Variants in TPD52L2 observed in about 807,000 individuals in gnomAD.
TPD52L2 encodes TPD52 like 2.
TPD52L2 carries 19 observed loss-of-function variants against 24.7 expected under a neutral mutation model. The ratio of observed to expected loss-of-function variants is 0.77; its 90% CI spans 0.54 to 1.13. The LOEUF is 1.13. Ranked by LOEUF, TPD52L2 falls within the 50% of genes most tolerant of loss-of-function variation. TPD52L2 has a pLI of 0.00. For synonymous variants in TPD52L2, 104 were observed against 100.2 expected (o/e 1.04, Z -0.23); for missense variants, 236 against 250.4 (o/e 0.94, Z 0.39).
At chr20:63,866,017 C>T (rs1315911958) in intron 1 of TPD52L2, among the ~76,000 whole-genome samples, 1 of 152,228 alleles carries the variant, frequency 6.6e-6, no homozygotes, top group Non-Finnish European at 1.5e-5. Context: ...GGAGCGAGCC[C>T]AGGAGATTAA....
At chr20:63,876,753 C>T in intron 4 of TPD52L2, 1 of 455,878 alleles carries the variant, frequency 2.2e-6, no homozygotes, top group South Asian at 1.5e-5. Flanking sequence ...GCCTTTGCGT[C>T]TGGTGTCACG....
chr20:63,884,502 C>T (rs1441784767), intron 5 of TPD52L2, among the ~76,000 whole-genome samples: 1 of 152,152 alleles, frequency 6.6e-6, no homozygotes, highest in Non-Finnish European at 1.5e-5. Flanking sequence ...TTGGAATAGC[C>T]GTGCACAAGC....
chr20:63,885,221 G>A (rs2146237081), intron 5 of TPD52L2, among the ~76,000 whole-genome samples: 1 of 152,388 alleles, frequency 6.6e-6, no homozygotes, highest in Non-Finnish European at 1.5e-5. Context: ...CGGTCTGTGA[G>A]GCCTTTGGTG....
chr20:63,868,071 C>T (rs1600778589), intron 1 of TPD52L2, among the ~76,000 whole-genome samples: 4 of 151,370 alleles, frequency 2.6e-5, no homozygotes, highest in Middle Eastern at 3.5e-3. Flanking sequence ...CGTGCCACCA[C>T]GCTAACTAAT....
At chr20:63,887,402 C>A in intron 5 of TPD52L2, 1 of 839,920 alleles carries the variant, frequency 1.2e-6, no homozygotes, top group South Asian at 1.4e-5. Context: ...ACCCTGGGGT[C>A]GAGTTTCCTT....
intron 1 of TPD52L2, among the ~76,000 whole-genome samples, chr20:63,867,538 C>T (rs1218483291): frequency 2.0e-5 from 3 of 151,254 alleles, no homozygotes; most frequent in Admixed American, 1.3e-4. Context: ...TGCACTCCAG[C>T]CTGGGTGACA....
chr20:63,886,226 C>G (rs1225705968), intron 5 of TPD52L2, among the ~76,000 whole-genome samples: 1 of 152,168 alleles, frequency 6.6e-6, no homozygotes, highest in Non-Finnish European at 1.5e-5. Context: ...AGCGTGGGAT[C>G]GACGCAGAGG....
At chr20:63,886,442 G>C (rs1205129086) in intron 5 of TPD52L2, among the ~76,000 whole-genome samples, 10 of 150,234 alleles carry the variant, frequency 6.7e-5, no homozygotes, top group Admixed American at 4.6e-4. Flanking sequence ...CTCACTGCAA[G>C]CTCCGCCTCC....
At chr20:63,865,948 C>G (rs983613984) in intron 1 of TPD52L2, among the ~76,000 whole-genome samples, 2 of 152,164 alleles carry the variant, frequency 1.3e-5, no homozygotes, top group African/African-American at 2.4e-5. Context: ...ACCCAGCATA[C>G]CAGGCCTGTT....
chr20:63,878,756 G>A (rs940009098), intron 4 of TPD52L2, among the ~76,000 whole-genome samples: 2 of 152,196 alleles, frequency 1.3e-5, no homozygotes, highest in Admixed American at 6.5e-5. Flanking sequence ...GCAGTGGGAC[G>A]AAACCGCTGT....
intron 1 of TPD52L2, among the ~76,000 whole-genome samples, chr20:63,866,344 C>T (rs1475758908): frequency 6.6e-6 from 1 of 152,130 alleles, no homozygotes; most frequent in Non-Finnish European, 1.5e-5. Flanking sequence ...ACCTTGTGAT[C>T]CGCCCGCCTC....
rs182356561 is a variant in TPD52L2, at chr20:63,886,185, G to C, written c.477-3005G>C. The C allele has an allele frequency of 4.5e-4, 367 of 822,610 alleles. 1 individual carries two copies. Among genetic ancestry groups the C allele is most frequent in the African/African-American group, 3.3e-3 (196 of 59,942 alleles). 51.0% of individuals were successfully genotyped at this position (822,610 alleles called of 1,614,324 possible). A position where few individuals can be genotyped will look rare whatever the true frequency, so the allele number is the denominator to read the frequency against. On this transcript the variant is annotated intron_variant, in intron 5 of 6. Coordinates refer to ENST00000346249, the MANE Select transcript of TPD52L2 (RefSeq NM_003288.4). ...CTTCCAGGACAGCAGTGCCAGCCAG[G>C]TGGTTGCTGCATCTCAGGGAACAAA...
At chr20:63,884,247 C>T (rs1355406269) in intron 5 of TPD52L2, among the ~76,000 whole-genome samples, 1 of 152,166 alleles carries the variant, frequency 6.6e-6, no homozygotes, top group African/African-American at 2.4e-5. Flanking sequence ...CCTACCACTG[C>T]TGAGCTTTGG....
intron 5 of TPD52L2, 21 bp from the exon 6 acceptor site, chr20:63,889,169 C>T (rs2146254185): frequency 1.2e-6 from 2 of 1,612,246 alleles, no homozygotes; most frequent in East Asian, 4.5e-5. Flanking sequence ...GACACCGACA[C>T]TCTTCCCTCT....
intron 5 of TPD52L2, chr20:63,887,951 A>G: frequency 2.5e-6 from 1 of 399,296 alleles, no homozygotes; most frequent in Non-Finnish European, 4.6e-6. Context: ...GCTGTCACTC[A>G]GGACACTTCA....
intron 5 of TPD52L2, among the ~76,000 whole-genome samples, chr20:63,886,517 A>T (rs534944471): frequency 6.6e-6 from 1 of 151,630 alleles, no homozygotes; most frequent in Admixed American, 6.6e-5. Context: ...GCCCGCCGCC[A>T]CGCCCGGCTA....
chr20:63,875,150 A>AT (rs1360259821), intron 3 of TPD52L2, among the ~76,000 whole-genome samples: 154 of 144,452 alleles, frequency 1.1e-3, no homozygotes, highest in African/African-American at 3.4e-3. Context: ...TCAAAAAAAA[A>AT]AAATATATAT....
At chr20:63,876,462 T>G (rs192261267) in intron 4 of TPD52L2, among the ~76,000 whole-genome samples, 21 of 152,312 alleles carry the variant, frequency 1.4e-4, no homozygotes, top group South Asian at 8.3e-4. Context: ...GTCAGTGGTG[T>G]TGTTCAGAGT....
At position 63,877,742 on chromosome 20, in the gene TPD52L2, C is replaced by T. The variant is rs899050570; in HGVS notation, c.374+1867C>T. Among the ~76,000 whole-genome samples, 2 of 152,266 alleles carry T rather than the reference C, an allele frequency of 1.3e-5. No homozygotes were observed. The highest frequency in any genetic ancestry group is 1.9e-4 in the East Asian group (1 of 5,204). On this transcript the variant is annotated intron_variant, in intron 4 of 6. Transcript: ENST00000346249. This position sits in a 1 kb window ranked among gnomAD's most constrained non-coding sequence, Gnocchi z 4.1. ...AGCGTCCCGACCCCTCTGGAGAAAC[C>T]TGTGGCTCAGCATGGAAGCATATGG... is the stretch of plus-strand genomic sequence containing the variant.
Sources: allele counts gnomAD v4.1 joint callset (sites outside exome capture counted in the v4.1 genomes callset), GRCh38; gene constraint gnomAD v4.1.1; non-coding constraint Gnocchi (gnomAD v3.1); transcripts MANE v1.5; gene names NCBI Gene and HGNC (gene_info 2026-07-23, HGNC 2026-07-21).